IL1RAPL1: variants seen among roughly 807,000 people sequenced by gnomAD.
The protein encoded by IL1RAPL1 is interleukin 1 receptor accessory protein like 1, also known as interleukin-1 receptor accessory protein-like 1.
IL1RAPL1 carries 3 observed loss-of-function variants against 48.4 expected under a neutral mutation model. That is an observed-to-expected ratio of 0.06 (90% CI 0.03 to 0.16). The LOEUF (loss-of-function observed/expected upper bound fraction) is 0.16. Among genes scored for constraint, IL1RAPL1 ranks in the 10% least tolerant of loss-of-function variants. IL1RAPL1 has a pLI of 1.00. For missense variants in IL1RAPL1, 349 were observed against 530.6 expected, an observed-to-expected ratio of 0.66 and a Z score of 3.36; for synonymous variants, 185 against 187.7, an observed-to-expected ratio of 0.99 and a Z score of 0.12.
intron 2 of IL1RAPL1, among the ~76,000 whole-genome samples, chrX:29,238,665 G>T (rs1040308744): frequency 8.9e-6 from 1 of 112,033 alleles, no homozygotes; most frequent in Admixed American, 9.5e-5. Flanking sequence ...AGCCAGTAGA[G>T]ATCACCAAGA....
At chrX:28,737,357 AGT>A (rs1164804420) in intron 1 of IL1RAPL1, among the ~76,000 whole-genome samples, 2 of 107,664 alleles carry the variant, frequency 1.9e-5, no homozygotes, top group Non-Finnish European at 3.8e-5. Context: ...CCCAGACTTA[AGT>A]GATTCTCCTG....
intron 2 of IL1RAPL1, among the ~76,000 whole-genome samples, chrX:28,973,352 A>C (rs1370178453): frequency 8.9e-6 from 1 of 112,416 alleles, no homozygotes; most frequent in African/African-American, 3.2e-5. Flanking sequence ...TTTTGTAAGT[A>C]ACTTTTGAAA....
At chrX:29,409,438 G>A (rs187860236) in intron 5 of IL1RAPL1, among the ~76,000 whole-genome samples, 11 of 111,939 alleles carry the variant, frequency 9.8e-5, no homozygotes, top group African/African-American at 3.6e-4. Context: ...TTGATTTGGA[G>A]TTGAATTCCT....
intron 2 of IL1RAPL1, among the ~76,000 whole-genome samples, chrX:29,037,824 T>C (rs765081057): frequency 2.7e-5 from 3 of 111,975 alleles, no homozygotes; most frequent in Non-Finnish European, 5.6e-5. Context: ...ACCCCTGTTC[T>C]CATTGTTCAT....
intron 6 of IL1RAPL1, among the ~76,000 whole-genome samples, chrX:29,832,407 G>A (rs1930899921): frequency 8.9e-6 from 1 of 111,760 alleles, no homozygotes; most frequent in African/African-American, 3.2e-5. Flanking sequence ...AGAAGATATA[G>A]TTGCTGGCAA....
chrX:29,035,199 G>A (rs897590732), intron 2 of IL1RAPL1, among the ~76,000 whole-genome samples: 3 of 110,721 alleles, frequency 2.7e-5, no homozygotes, highest in South Asian at 7.6e-4. Context: ...TGCCCGCCTC[G>A]GCCTCCCAAA....
chrX:28,868,138 C>A (rs1225899648), intron 2 of IL1RAPL1, among the ~76,000 whole-genome samples: 1 of 111,283 alleles, frequency 9.0e-6, no homozygotes, highest in Non-Finnish European at 1.9e-5. Context: ...ATGACATACT[C>A]CTTGTCAAAT....
intron 6 of IL1RAPL1, among the ~76,000 whole-genome samples, chrX:29,731,011 A>T (rs760410640): frequency 6.2e-5 from 7 of 112,401 alleles, no homozygotes; most frequent in Non-Finnish European, 1.1e-4. Context: ...CTTATGTCAC[A>T]TCAAAGCTAT....
intron 1 of IL1RAPL1, among the ~76,000 whole-genome samples, chrX:28,604,695 C>A (rs1364945330): frequency 5.1e-5 from 5 of 97,885 alleles, no homozygotes; most frequent in African/African-American, 1.9e-4. Context: ...CCATTGCACT[C>A]CAGGTTGGCG....
intron 5 of IL1RAPL1, among the ~76,000 whole-genome samples, chrX:29,469,262 T>C (rs185175117): frequency 8.9e-6 from 1 of 112,026 alleles, no homozygotes; most frequent in Non-Finnish European, 1.9e-5. Flanking sequence ...AAATGGCAAA[T>C]CTGTTTGCAT....
chrX:29,887,562 G>A (rs1202047244), intron 6 of IL1RAPL1, among the ~76,000 whole-genome samples: 1 of 111,989 alleles, frequency 8.9e-6, no homozygotes, highest in Middle Eastern at 4.2e-3. Flanking sequence ...AAATGAGGCT[G>A]TCACATATTT....
chrX:29,848,852 G>A (rs1931302395), intron 6 of IL1RAPL1, among the ~76,000 whole-genome samples: 1 of 110,775 alleles, frequency 9.0e-6, no homozygotes, highest in Non-Finnish European at 1.9e-5. Context: ...TGCAACCTAT[G>A]CCTTCCGGGT....
At chrX:29,412,507 T>A (rs1934157534) in intron 5 of IL1RAPL1, among the ~76,000 whole-genome samples, 1 of 112,455 alleles carries the variant, frequency 8.9e-6, no homozygotes, top group Admixed American at 9.5e-5. Context: ...TCTTTAGTAA[T>A]TTTTTTATAT....
intron 2 of IL1RAPL1, among the ~76,000 whole-genome samples, chrX:28,852,451 C>G (rs1236305661): frequency 1.8e-5 from 2 of 110,588 alleles, no homozygotes; most frequent in African/African-American, 6.6e-5. Context: ...TATTGTCTCA[C>G]AGCAGCTTTG....
intron 2 of IL1RAPL1, among the ~76,000 whole-genome samples, chrX:29,209,047 A>G (rs753869307): frequency 8.9e-6 from 1 of 111,810 alleles, no homozygotes; most frequent in East Asian, 2.8e-4. Flanking sequence ...CTTACCTTCT[A>G]TTTAGCACTC....
At chrX:29,814,999 T>C (rs1023445851) in intron 6 of IL1RAPL1, among the ~76,000 whole-genome samples, 3 of 112,005 alleles carry the variant, frequency 2.7e-5, no homozygotes, top group African/African-American at 9.7e-5. Flanking sequence ...TAGTTTAAAG[T>C]TGGGTAATGT....
chrX:29,832,014 G>T (rs1930890570), intron 6 of IL1RAPL1, among the ~76,000 whole-genome samples: 1 of 111,403 alleles, frequency 9.0e-6, no homozygotes, highest in South Asian at 3.8e-4. Context: ...TCAACCCGTG[G>T]GACACCTGAT....
chrX:29,107,950 T>C (rs1399078923), intron 2 of IL1RAPL1, among the ~76,000 whole-genome samples: 1 of 111,657 alleles, frequency 9.0e-6, no homozygotes, highest in African/African-American at 3.3e-5. Context: ...TAGGTGTTGC[T>C]GTGGTTGGAA....
At chrX:29,269,385 C>T (rs766612287) in intron 2 of IL1RAPL1, among the ~76,000 whole-genome samples, 163 of 111,203 alleles carry the variant, frequency 1.5e-3, no homozygotes, top group African/African-American at 4.5e-3. Context: ...CAGCTTTTCA[C>T]GTAAGTACTT....
Sources: gnomAD v4.1 joint callset for allele counts (sites outside exome capture counted in the v4.1 genomes callset) on GRCh38, gnomAD v4.1.1 for gene constraint, MANE v1.5 for transcripts, NCBI Gene and HGNC (gene_info 2026-07-23, HGNC 2026-07-21) for gene names.